The following TJP2 variants were observed in gnomAD, a reference collection of about 807,000 sequenced individuals.
The protein encoded by TJP2 is Friedreich ataxia region gene X104 (tight junction protein ZO-2).
TJP2 carries 91 observed loss-of-function variants against 133.1 expected under a neutral mutation model. That is an observed-to-expected ratio of 0.68 (90% CI 0.58 to 0.81). The LOEUF (loss-of-function observed/expected upper bound fraction) is 0.81. Among genes scored for constraint, TJP2 ranks in the 40% least tolerant of loss-of-function variants. TJP2 has a pLI of 0.00. For missense variants in TJP2, 1,541 were observed against 1,565.6 expected (o/e 0.98, Z 0.26); for synonymous variants, 592 against 583.4 (o/e 1.01, Z -0.21).
At chr9:69,204,506 C>T (rs1258729204) in intron 1 of TJP2, among the ~76,000 whole-genome samples, 1 of 152,180 alleles carries the variant, frequency 6.6e-6, no homozygotes, top group Non-Finnish European at 1.5e-5. Flanking sequence ...GAACAGACGG[C>T]AGGGCTCTTT....
rs533468301 is a variant in TJP2, at chr9:69,159,166, A to AG, written c.-10+7395_-10+7396insG. Among the ~76,000 whole-genome samples, 624 of 152,002 alleles carry AG rather than the reference A, an allele frequency of 4.1e-3. 5 individuals are homozygous for AG. Among genetic ancestry groups the AG allele is most frequent in the African/African-American group, 0.014 (564 of 41,454 alleles). Reference sequence around the variant, plus strand: ...CAAAAAATACCAAAAAGAAAAAAAAATAGCTGGGTGTGGTGGCGGGCGCCT... The same window carrying AG: ...CAAAAAATACCAAAAAGAAAAAAAAAGTAGCTGGGTGTGGTGGCGGGCGCCT... On this transcript the variant is annotated intron_variant, in intron 2 of 5. Coordinates refer to the TJP2 transcript ENST00000423935.
At chr9:69,175,314 T>C (rs1277694941) in intron 1 of TJP2, among the ~76,000 whole-genome samples, 2 of 152,212 alleles carry the variant, frequency 1.3e-5, no homozygotes, top group African/African-American at 2.4e-5. Context: ...CGCTTCTCAC[T>C]CACGCTCTCA....
intron 14 of TJP2, 68 bp downstream of exon 14, chr9:69,237,204 G>A: frequency 2.5e-6 from 4 of 1,578,178 alleles, no homozygotes; most frequent in Non-Finnish European, 3.5e-6. Flanking sequence ...TTTATTTTCA[G>A]ACTGTATGGT....
chr9:69,201,029 G>A (rs1826951309), intron 1 of TJP2, among the ~76,000 whole-genome samples: 1 of 152,146 alleles, frequency 6.6e-6, no homozygotes, highest in Admixed American at 6.5e-5. Flanking sequence ...AGTATATGTC[G>A]AATGAATGAG....
At chr9:69,177,806 G>A (rs1387186243) in intron 1 of TJP2, among the ~76,000 whole-genome samples, 4 of 151,868 alleles carry the variant, frequency 2.6e-5, no homozygotes, top group Non-Finnish European at 4.4e-5. Context: ...CACCGTGCCC[G>A]GCCACTAGTT....
intron 1 of TJP2, among the ~76,000 whole-genome samples, chr9:69,133,695 C>T (rs7869549): frequency 0.36 from 54,856 of 151,436 alleles, 10,115 homozygotes; most frequent in Non-Finnish European, 0.4. Context: ...GGGACTACAG[C>T]GTGCACCATC....
chr9:69,224,290 G>A (rs1829149018), intron 5 of TJP2, among the ~76,000 whole-genome samples: 1 of 152,004 alleles, frequency 6.6e-6, no homozygotes, highest in African/African-American at 2.4e-5. Context: ...TAGATTTTTT[G>A]CAGTGCCTTC....
rs139444591 is a variant in TJP2 at position 69,216,635 on chromosome 9, A to AT, written c.239+173dup. ...GGAAGCCATAACACACCATGTTTGAATAATGCCCAAACCTTGGGAACACCC... is the reference window on the plus strand; with the variant it reads ...GGAAGCCATAACACACCATGTTTGAATTAATGCCCAAACCTTGGGAACACCC... On this transcript the variant is annotated intron_variant, in intron 3 of 22. Coordinates refer to ENST00000377245, the MANE Select transcript of TJP2 (RefSeq NM_004817.4). Among the ~76,000 whole-genome samples the AT allele has an allele frequency of 0.1, 15,789 of 152,310 alleles. 911 individuals are homozygous for AT. The highest frequency in any genetic ancestry group is 0.16 in the South Asian group (788 of 4,826).
upstream of TJP2, chr9:69,173,907 G>T (rs938898368): frequency 2.0e-6 from 2 of 977,594 alleles, no homozygotes; most frequent in African/African-American, 3.5e-5. Context: ...GCTCGGAGCG[G>T]GACCTGCTTG....
chr9:69,152,897 C>T (rs1423831994), intron 2 of TJP2, among the ~76,000 whole-genome samples: 2 of 123,442 alleles, frequency 1.6e-5, no homozygotes, highest in Non-Finnish European at 3.2e-5. Context: ...GTGGTGCGAT[C>T]TCGGCTCACT....
At chr9:69,138,496 A>G (rs1822873646) in intron 1 of TJP2, among the ~76,000 whole-genome samples, 1 of 151,112 alleles carries the variant, frequency 6.6e-6, no homozygotes, top group South Asian at 2.1e-4. Context: ...GCCAGGGACC[A>G]TGGCTTATGC....
At chr9:69,207,303 TCA>T (rs1229057188) in intron 1 of TJP2, among the ~76,000 whole-genome samples, 1 of 152,224 alleles carries the variant, frequency 6.6e-6, no homozygotes, top group Non-Finnish European at 1.5e-5. Context: ...AAAAATGGTA[TCA>T]CACTCTACAA....
chr9:69,184,654 T>C (rs1449669453), intron 1 of TJP2, among the ~76,000 whole-genome samples: 2 of 152,286 alleles, frequency 1.3e-5, no homozygotes, highest in East Asian at 3.9e-4. Context: ...GGGGTTGCTT[T>C]GAGGTGCTCA....
rs1214631147 is a variant in TJP2, at chr9:69,217,391, A to G, written c.240-866A>G. Among the ~76,000 whole-genome samples, 4 of 152,226 alleles carry G rather than the reference A, an allele frequency of 2.6e-5. No homozygotes were observed. The East Asian group carries it at 5.8e-4, about 22-fold the overall frequency. On this transcript the variant is annotated intron_variant, in intron 3 of 22. Coordinates refer to ENST00000377245, the MANE Select transcript of TJP2 (RefSeq NM_004817.4). ...ATGGCTGCATTGGATAAATAGCTCA[A>G]AAGTTTAGGTTTTGTTGGTGTTTAA...
chr9:69,170,982 C>T (rs1216788344), upstream of TJP2, among the ~76,000 whole-genome samples: 1 of 152,158 alleles, frequency 6.6e-6, no homozygotes, highest in Admixed American at 6.5e-5. Flanking sequence ...TCATCAGTGC[C>T]TAGCACATAG....
chr9:69,225,918 T>G, intron 6 of TJP2, 104 bp from the exon 7 acceptor site: 1 of 1,258,344 alleles, frequency 7.9e-7, no homozygotes, highest in Non-Finnish European at 1.1e-6. Flanking sequence ...AATATCTGTT[T>G]GAATATCTGA....
chr9:69,221,932 C>T (rs992720659), intron 5 of TJP2, among the ~76,000 whole-genome samples: 4 of 141,848 alleles, frequency 2.8e-5, no homozygotes, highest in African/African-American at 1.1e-4. Context: ...AGTGCAGTGG[C>T]GTAATCTGGG....
intron 7 of TJP2, 47 bp from the exon 8 acceptor site, chr9:69,227,718 T>C (rs778931019): frequency 7.8e-7 from 1 of 1,289,746 alleles, no homozygotes; most frequent in African/African-American, 1.5e-5. Context: ...GGTAGGAGAA[T>C]ATTTTAAATA....
intron 2 of TJP2, among the ~76,000 whole-genome samples, chr9:69,156,773 C>T (rs925482827): frequency 1.2e-4 from 19 of 152,040 alleles, no homozygotes; most frequent in Admixed American, 5.2e-4. Context: ...CCCGCCTCGG[C>T]CTCCCAAAGT....
Sources: allele counts gnomAD v4.1 joint callset (sites outside exome capture counted in the v4.1 genomes callset), GRCh38; gene constraint gnomAD v4.1.1; transcripts MANE v1.5; gene names NCBI Gene and HGNC (gene_info 2026-07-23, HGNC 2026-07-21).